NEBL: variants seen among roughly 807,000 people sequenced by gnomAD.
NEBL encodes the protein nebulette.
A neutral mutation model predicts 140.2 loss-of-function variants in NEBL; 122 were observed. The ratio of observed to expected loss-of-function variants is 0.87; its 90% CI spans 0.75 to 1.01. NEBL has a LOEUF of 1.01. Ranked by LOEUF, NEBL falls within the 50% of genes least tolerant of loss-of-function variation. The pLI is 0.00. For missense variants in NEBL, 1,365 were observed against 1,231.3 expected (o/e 1.11, Z -1.62); for synonymous variants, 436 against 398.9 (o/e 1.09, Z -1.11).
At chr10:21,237,011 C>T (rs975830633) in intron 3 of NEBL, among the ~76,000 whole-genome samples, 1 of 152,174 alleles carries the variant, frequency 6.6e-6, no homozygotes, top group Admixed American at 6.5e-5. Flanking sequence ...GGGATTTAAA[C>T]CCAGGCAGCC....
intron 3 of NEBL, among the ~76,000 whole-genome samples, chr10:20,963,935 C>A (rs1238752827): frequency 6.6e-6 from 1 of 152,190 alleles, no homozygotes; most frequent in Non-Finnish European, 1.5e-5. Context: ...ACCAGTATTT[C>A]TTTACTACAC....
chr10:21,114,754 G>A (rs55716025), intron 2 of NEBL, among the ~76,000 whole-genome samples: 18,319 of 151,128 alleles, frequency 0.12, 1,136 homozygotes, highest in South Asian at 0.15. Context: ...ATCTTTTTCC[G>A]TCCTTTAACT....
At chr10:21,055,521 T>G (rs1834978563) in intron 2 of NEBL, among the ~76,000 whole-genome samples, 1 of 152,114 alleles carries the variant, frequency 6.6e-6, no homozygotes, top group South Asian at 2.1e-4. Flanking sequence ...TTTGCTACTT[T>G]AAGGTTACCA....
At chr10:21,007,099 G>A (rs933153940) in intron 3 of NEBL, among the ~76,000 whole-genome samples, 17 of 151,736 alleles carry the variant, frequency 1.1e-4, no homozygotes, top group Admixed American at 6.6e-4. Context: ...GGAGAAAGCC[G>A]AATGAAATAC....
intron 2 of NEBL, among the ~76,000 whole-genome samples, chr10:21,050,865 T>C (rs74122615): frequency 6.6e-6 from 1 of 152,206 alleles, no homozygotes; most frequent in South Asian, 2.1e-4. Flanking sequence ...CTGTCTCCAG[T>C]ACACAGCACT....
At chr10:21,266,881 A>C (rs1842802449) in intron 1 of NEBL, among the ~76,000 whole-genome samples, 1 of 152,140 alleles carries the variant, frequency 6.6e-6, no homozygotes, top group African/African-American at 2.4e-5. Context: ...GGGTTCAAGC[A>C]ATTTGCTGCC....
At chr10:21,245,527 T>TTTGTTG (rs111870394) in intron 3 of NEBL, among the ~76,000 whole-genome samples, 4 of 151,830 alleles carry the variant, frequency 2.6e-5, no homozygotes, top group South Asian at 4.2e-4. Flanking sequence ...TCTGTTTGGG[T>TTTGTTG]TTGTTGTTGT....
intron 3 of NEBL, among the ~76,000 whole-genome samples, chr10:21,005,734 C>CAAT (rs112483616): frequency 0.018 from 2,743 of 151,658 alleles, 76 homozygotes; most frequent in African/African-American, 0.062. Context: ...TGTCTCAAAA[C>CAAT]AATAATAATA....
intron 2 of NEBL, among the ~76,000 whole-genome samples, chr10:21,057,158 G>A (rs766074520): frequency 1.6e-4 from 25 of 151,890 alleles, no homozygotes; most frequent in Non-Finnish European, 2.5e-4. Flanking sequence ...ATCTTATGCC[G>A]GGCTTTCACA....
intron 3 of NEBL, among the ~76,000 whole-genome samples, chr10:21,018,004 T>G (rs929849689): frequency 6.6e-6 from 1 of 152,046 alleles, no homozygotes; most frequent in Non-Finnish European, 1.5e-5. Context: ...TATTTTTTTG[T>G]AGGGATGAGG....
intron 3 of NEBL, among the ~76,000 whole-genome samples, chr10:21,237,090 C>G (rs1379199665): frequency 6.6e-6 from 1 of 152,202 alleles, no homozygotes; most frequent in African/African-American, 2.4e-5. Context: ...TTGTAGATCC[C>G]TCTCTACTCT....
At chr10:20,788,997 G>A (rs1157162155) in intron 26 of NEBL, among the ~76,000 whole-genome samples, 1 of 152,122 alleles carries the variant, frequency 6.6e-6, no homozygotes, top group Non-Finnish European at 1.5e-5. Flanking sequence ...TTCACAAATG[G>A]TAACAATAAT....
rs1391063664 is a variant in NEBL at position 20,782,460 on chromosome 10, A to C, written c.*3287T>G. ...GAGGTACATCCCTTGAACTTCCACT[A>C]TCTTTTTAGAAAAAGTCTTGTTCCT... is the stretch of plus-strand genomic sequence containing the variant. On this transcript the variant is annotated 3_prime_UTR_variant, in exon 28 of 28. Transcript: ENST00000377122. 1 of 152,600 alleles carries C rather than the reference A, an allele frequency of 6.6e-6. No homozygotes were observed. The highest frequency in any genetic ancestry group is 2.1e-4 in the South Asian group (1 of 4,830). 9.5% of individuals were successfully genotyped at this position (152,600 alleles called of 1,614,324 possible).
At chr10:20,860,387 G>T (rs548749116) in intron 7 of NEBL, among the ~76,000 whole-genome samples, 50 of 151,788 alleles carry the variant, frequency 3.3e-4, no homozygotes, top group African/African-American at 1.2e-3. Flanking sequence ...ACTAAATTCA[G>T]CAGGAAAACC....
chr10:21,212,358 C>T (rs1841931718), intron 3 of NEBL, among the ~76,000 whole-genome samples: 1 of 152,034 alleles, frequency 6.6e-6, no homozygotes, highest in Non-Finnish European at 1.5e-5. Context: ...AAAGATTTCC[C>T]AATTAGTGCA....
At chr10:21,288,845 T>C (rs1361573029) in intron 1 of NEBL, among the ~76,000 whole-genome samples, 1 of 84,706 alleles carries the variant, frequency 1.2e-5, no homozygotes, top group Non-Finnish European at 2.2e-5. Flanking sequence ...TATATATATA[T>C]ATATAAAAAT....
At chr10:20,921,484 G>A (rs12762307) in intron 4 of NEBL, among the ~76,000 whole-genome samples, 196 of 152,200 alleles carry the variant, frequency 1.3e-3, no homozygotes, top group Middle Eastern at 3.4e-3. Flanking sequence ...TCCCTTCTCT[G>A]GAGTTCTTTC....
chr10:20,990,142 T>C (rs1023115445), intron 3 of NEBL, among the ~76,000 whole-genome samples: 4 of 152,234 alleles, frequency 2.6e-5, no homozygotes, highest in Non-Finnish European at 4.4e-5. Flanking sequence ...TATTTTAATA[T>C]ACTTCATTTC....
intron 7 of NEBL, among the ~76,000 whole-genome samples, chr10:20,865,811 G>A (rs788998): frequency 6.6e-6 from 1 of 151,966 alleles, no homozygotes; most frequent in Non-Finnish European, 1.5e-5. Context: ...TTACTATGAG[G>A]CACAATTGCA....
Sources: gnomAD v4.1 joint callset for allele counts (sites outside exome capture counted in the v4.1 genomes callset) on GRCh38, gnomAD v4.1.1 for gene constraint, MANE v1.5 for transcripts, NCBI Gene and HGNC (gene_info 2026-07-23, HGNC 2026-07-21) for gene names.